ANO4: variants seen among roughly 807,000 people sequenced by gnomAD.
ANO4 encodes the protein anoctamin 4.
In ANO4, 69 loss-of-function variants were observed where a neutral mutation model predicts 141.9. The observed-to-expected ratio is 0.49, with a 90% CI of 0.40 to 0.59. ANO4 has a LOEUF of 0.59. Among genes scored for constraint, ANO4 ranks in the 20% least tolerant of loss-of-function variants. The pLI is 0.00. For missense variants in ANO4, 894 were observed against 1,162.2 expected (o/e 0.77, Z 3.36); for synonymous variants, 350 against 394.3 (o/e 0.89, Z 1.33).
At chr12:100,968,545 T>C (rs1294674062) in intron 5 of ANO4, among the ~76,000 whole-genome samples, 3 of 152,184 alleles carry the variant, frequency 2.0e-5, no homozygotes, top group African/African-American at 7.2e-5. Flanking sequence ...TAGAACCTTA[T>C]AGGAAAGCTA....
rs957727575 is a variant in ANO4, at chr12:101,004,694, C to T, written c.735-15340C>T. ...AATACCTGGAATTTTACAATTTGAA[C>T]TTTAATCCTTTGGCTAAAGTCATCC... On this transcript the variant is annotated intron_variant, in intron 8 of 27. Transcript: ENST00000392977. 5.9e-5 allele frequency among the ~76,000 whole-genome samples: 9 copies of T among 152,142 alleles called. No homozygotes were observed. In the South Asian group the frequency reaches 1.2e-3, roughly 21 times the overall value.
intron 13 of ANO4, 30 bp downstream of exon 13, chr12:101,043,665 A>G (rs372661554): frequency 2.3e-4 from 353 of 1,524,624 alleles, no homozygotes; most frequent in Non-Finnish European, 3.0e-4. Context: ...TTTTAGATGA[A>G]TTGAATTTAA....
intron 1 of ANO4, among the ~76,000 whole-genome samples, chr12:100,869,873 TCTC>T (rs139920958): frequency 0.11 from 16,402 of 152,174 alleles, 1,026 homozygotes; most frequent in South Asian, 0.16. Context: ...CCTCCCAGCA[TCTC>T]CCCTTCCACC....
At chr12:100,721,134 TTCTC>T (rs2030844801) in intron 1 of ANO4, among the ~76,000 whole-genome samples, 2 of 152,244 alleles carry the variant, frequency 1.3e-5, no homozygotes, top group East Asian at 1.9e-4. Context: ...CTGTATGCTC[TTCTC>T]TCTTTGTGTT....
intron 14 of ANO4, chr12:101,069,018 G>A (rs2048706803): frequency 5.0e-6 from 4 of 799,500 alleles, no homozygotes; most frequent in Admixed American, 3.4e-5. Context: ...AGTTTAAAGA[G>A]CAAAGATGTC....
chr12:100,815,565 CG>C (rs1347156642), intron 1 of ANO4, among the ~76,000 whole-genome samples: 12 of 151,986 alleles, frequency 7.9e-5, no homozygotes, highest in Admixed American at 7.2e-4. Flanking sequence ...ATTTGGATTA[CG>C]TAGGTGATAA....
At chr12:101,031,357 C>T (rs2046965965) in intron 9 of ANO4, among the ~76,000 whole-genome samples, 1 of 152,116 alleles carries the variant, frequency 6.6e-6, no homozygotes, top group Non-Finnish European at 1.5e-5. Flanking sequence ...TCAATAGATG[C>T]AGAAAAGGCC....
intron 11 of ANO4, among the ~76,000 whole-genome samples, chr12:101,041,929 A>G (rs2047425493): frequency 6.6e-6 from 1 of 152,104 alleles, no homozygotes; most frequent in Non-Finnish European, 1.5e-5. Context: ...CATCTCTTAG[A>G]CAGTTCCTAT....
rs923583340 is a variant in ANO4 at position 101,013,059 on chromosome 12, T to G, written c.735-6975T>G. On this transcript the variant is annotated intron_variant, in intron 8 of 27. Coordinates refer to ENST00000392977, the MANE Select transcript of ANO4 (RefSeq NM_001286615.2). The stretch of plus-strand genomic sequence containing the variant: ...TTAGTTCAGCCATTGTATAAAACAG[T>G]TTGGTGATTTCTCCAAGCATTTAAA... Among the ~76,000 whole-genome samples, 4 of 152,058 alleles carry G rather than the reference T, an allele frequency of 2.6e-5. No homozygotes were observed. The East Asian group carries it at 7.7e-4, about 29-fold the overall frequency.
chr12:100,822,868 G>A (rs1024841168), intron 1 of ANO4, among the ~76,000 whole-genome samples: 2 of 151,792 alleles, frequency 1.3e-5, no homozygotes, highest in South Asian at 2.1e-4. Flanking sequence ...CTTCCTTGAC[G>A]TTGCAAAATT....
intron 1 of ANO4, among the ~76,000 whole-genome samples, chr12:100,843,716 A>G (rs1244090887): frequency 6.6e-6 from 1 of 152,186 alleles, no homozygotes; most frequent in Non-Finnish European, 1.5e-5. Context: ...TTGAATAAGG[A>G]GAGAGGAATG....
intron 8 of ANO4, among the ~76,000 whole-genome samples, chr12:101,018,926 G>A (rs1291923531): frequency 3.3e-5 from 5 of 152,032 alleles, no homozygotes; most frequent in African/African-American, 1.2e-4. Context: ...CCTTAAAAGA[G>A]TATCCTCAGT....
At chr12:101,104,637 A>G (rs112356182) in intron 22 of ANO4, among the ~76,000 whole-genome samples, 735 of 57,998 alleles carry the variant, frequency 0.013, 14 homozygotes, top group African/African-American at 0.11. Flanking sequence ...GTATATATAT[A>G]TATATATATA....
At chr12:100,894,407 G>T (rs2040241657) in intron 1 of ANO4, among the ~76,000 whole-genome samples, 1 of 151,982 alleles carries the variant, frequency 6.6e-6, no homozygotes, top group Admixed American at 6.6e-5. Flanking sequence ...TCCTACGTGG[G>T]TTAGAACTCA....
Position 100,746,122 on chromosome 12 carries a change from C to T in ANO4, c.358+6017C>T, listed in dbSNP as rs115184591. Among the ~76,000 whole-genome samples the T allele has an allele frequency of 1.3e-3, 194 of 152,312 alleles. 1 individual carries two copies. Among genetic ancestry groups the T allele is most frequent in the African/African-American group, 4.5e-3 (185 of 41,566 alleles). On this transcript the variant is annotated intron_variant, in intron 3 of 29. Transcript: ENST00000644049. ...GACTGGGAAAAATGTATTCTATGCACACCTCCTGAAAGAATGACTAAACAA... is the reference window on the plus strand; with the variant it reads ...GACTGGGAAAAATGTATTCTATGCATACCTCCTGAAAGAATGACTAAACAA...
intron 6 of ANO4, 59 bp downstream of exon 6, chr12:100,971,465 C>A: frequency 8.1e-7 from 1 of 1,227,828 alleles, no homozygotes; most frequent in Non-Finnish European, 1.2e-6. Flanking sequence ...ATCTAATGTT[C>A]TCCTCTCTCA....
intron 2 of ANO4, among the ~76,000 whole-genome samples, chr12:100,921,026 G>A (rs900752709): frequency 6.6e-6 from 1 of 152,072 alleles, no homozygotes; most frequent in Admixed American, 6.6e-5. Flanking sequence ...GAATTTCAAC[G>A]TTGGTCTCTC....
At chr12:101,111,130 C>T (rs367765664) in intron 23 of ANO4, among the ~76,000 whole-genome samples, 30 of 152,290 alleles carry the variant, frequency 2.0e-4, no homozygotes, top group African/African-American at 6.0e-4. Flanking sequence ...TTGTTAATGA[C>T]GTCTTTTAAC....
chr12:101,080,182 T>TA (rs2049188948), intron 15 of ANO4, among the ~76,000 whole-genome samples: 1 of 152,214 alleles, frequency 6.6e-6, no homozygotes, highest in Non-Finnish European at 1.5e-5. Flanking sequence ...TTTTCATGTA[T>TA]AAAAAAGAAT....
Sources: allele counts gnomAD v4.1 joint callset (sites outside exome capture counted in the v4.1 genomes callset), GRCh38; gene constraint gnomAD v4.1.1; transcripts MANE v1.5; gene names NCBI Gene and HGNC (gene_info 2026-07-23, HGNC 2026-07-21).